Variants in SNX29 observed in about 807,000 individuals in gnomAD.
SNX29 encodes sorting nexin-29.
A neutral mutation model predicts 102.1 loss-of-function variants in SNX29; 78 were observed. The observed-to-expected ratio is 0.76, with a 90% CI of 0.64 to 0.92. The LOEUF (loss-of-function observed/expected upper bound fraction) is 0.92. SNX29 is among the 40% of genes least tolerant of loss of function. The pLI is 0.00. For missense variants in SNX29, 1,280 were observed against 1,061.7 expected (o/e 1.21, Z -2.86); for synonymous variants, 580 against 414.5 (o/e 1.40, Z -4.85).
chr16:12,197,601 G>A lies in SNX29; in HGVS notation c.1596-2000G>A, dbSNP rs146569538. Among the ~76,000 whole-genome samples the A allele has an allele frequency of 5.8e-4, 88 of 152,230 alleles. 1 individual carries two copies. The South Asian group carries it at 0.013, about 23-fold the overall frequency. The stretch of plus-strand genomic sequence containing the variant: ...CAAAAGAAACAAAAAAACACATGCT[G>A]TACAATCCCCATCAGGGAAGATTTT... On this transcript the variant is annotated intron_variant, in intron 13 of 20. Transcript: ENST00000566228.
chr16:12,411,236 C>A (rs560562841), intron 18 of SNX29, among the ~76,000 whole-genome samples: 2 of 152,290 alleles, frequency 1.3e-5, no homozygotes, highest in Non-Finnish European at 2.9e-5. Flanking sequence ...GAGAGCCGGC[C>A]GTGGACTGAG....
At position 12,285,507 on chromosome 16, in the gene SNX29, C is replaced by T. The variant is rs570515960; in HGVS notation, c.1782+7471C>T. Among the ~76,000 whole-genome samples the T allele has an allele frequency of 3.9e-5, 6 of 152,214 alleles. No homozygotes were observed. The South Asian group carries it at 6.2e-4, about 16-fold the overall frequency. On this transcript the variant is annotated intron_variant, in intron 15 of 20. Transcript: ENST00000566228. The stretch of plus-strand genomic sequence containing the variant: ...TTTGTTCTCATTATAATGGCAGAGT[C>T]GCTATTAATGGAAAAGTAAGCTTGA...
chr16:12,085,098 C>G (rs1259804023), intron 11 of SNX29, among the ~76,000 whole-genome samples: 1 of 151,932 alleles, frequency 6.6e-6, no homozygotes, highest in Non-Finnish European at 1.5e-5. Context: ...AAAGAAATCC[C>G]CAGGGCAGTG....
chr16:12,532,868 C>T (rs16959835), intron 20 of SNX29, among the ~76,000 whole-genome samples: 9,123 of 152,220 alleles, frequency 0.06, 341 homozygotes, highest in African/African-American at 0.099. Flanking sequence ...CCTTCCCCTG[C>T]GTGAGAGAGC....
At chr16:12,019,587 TATATATAG>T (rs1361393948) in intron 3 of SNX29, among the ~76,000 whole-genome samples, 116 of 79,326 alleles carry the variant, frequency 1.5e-3, no homozygotes, top group African/African-American at 3.1e-3. Context: ...TGTAAATATA[TATATATAG>T]ATAGATAGAT....
At chr16:12,005,441 C>T (rs543196681) in intron 3 of SNX29, among the ~76,000 whole-genome samples, 1 of 152,236 alleles carries the variant, frequency 6.6e-6, no homozygotes, top group South Asian at 2.1e-4. Flanking sequence ...ACAGGACTCC[C>T]AGGTGATTCT....
chr16:12,035,213 T>G (rs192508689), intron 4 of SNX29, among the ~76,000 whole-genome samples: 1 of 151,576 alleles, frequency 6.6e-6, no homozygotes, highest in African/African-American at 2.4e-5. Context: ...CCTTTTTTTT[T>G]TTTTTTTTTT....
At chr16:12,258,940 C>T (rs2078653949) in intron 14 of SNX29, among the ~76,000 whole-genome samples, 1 of 152,140 alleles carries the variant, frequency 6.6e-6, no homozygotes, top group African/African-American at 2.4e-5. Flanking sequence ...CATTCTCTCT[C>T]ACTATGATAG....
rs571993979 is a variant in SNX29 at position 12,358,194 on chromosome 16, C to G, written c.1899+1915C>G. 1.9e-4 allele frequency among the ~76,000 whole-genome samples: 22 copies of G among 116,354 alleles called. 1 individual carries two copies. The South Asian group carries it at 5.1e-3, about 27-fold the overall frequency. The allele number at this position is 116,354 out of a possible 152,430, so 76.3% of individuals were successfully genotyped here. The stretch of plus-strand genomic sequence containing the variant: ...TAAAGTAAAAGCACCTATTTATTAA[C>G]CCCCTGTTTGTGTGCAAAAGTTCCT... On this transcript the variant is annotated intron_variant, in intron 16 of 20. Coordinates refer to ENST00000566228, the MANE Select transcript of SNX29 (RefSeq NM_032167.5).
chr16:12,478,246 A>C (rs1391689056), intron 19 of SNX29, among the ~76,000 whole-genome samples: 3 of 152,236 alleles, frequency 2.0e-5, no homozygotes, highest in Non-Finnish European at 4.4e-5. Context: ...ATAGCATTTT[A>C]TTTTTAAGAA....
At chr16:12,473,633 T>C (rs2087460310) in intron 18 of SNX29, among the ~76,000 whole-genome samples, 1 of 152,198 alleles carries the variant, frequency 6.6e-6, no homozygotes, top group Non-Finnish European at 1.5e-5. Context: ...GGTTAGGCAT[T>C]CTAAGTCATA....
intron 16 of SNX29, among the ~76,000 whole-genome samples, chr16:12,365,367 T>TC (rs2082433744): frequency 6.6e-6 from 1 of 151,376 alleles, no homozygotes; most frequent in African/African-American, 2.4e-5. Context: ...TGTGTGTGTT[T>TC]AGCATACTCA....
At chr16:12,533,082 C>T (rs980355080) in intron 20 of SNX29, among the ~76,000 whole-genome samples, 9 of 152,206 alleles carry the variant, frequency 5.9e-5, no homozygotes, top group African/African-American at 1.9e-4. Context: ...CCACAGCCCA[C>T]ATCACACCTC....
At chr16:12,068,831 G>T (rs1452892846) in intron 9 of SNX29, among the ~76,000 whole-genome samples, 1 of 152,160 alleles carries the variant, frequency 6.6e-6, no homozygotes, top group Non-Finnish European at 1.5e-5. Flanking sequence ...CGCCATGCCC[G>T]GCCAAGTATA....
At chr16:12,549,060 G>A (rs2077793703) in intron 20 of SNX29, among the ~76,000 whole-genome samples, 1 of 152,198 alleles carries the variant, frequency 6.6e-6, no homozygotes, top group Non-Finnish European at 1.5e-5. Flanking sequence ...CTTGCAGCTG[G>A]GCAGGCATCA....
rs372651887 is a variant in SNX29 at position 12,490,105 on chromosome 16, C to CTTT, written c.2178+12250_2178+12252dup. Among the ~76,000 whole-genome samples, 788 of 152,260 alleles carry CTTT rather than the reference C, an allele frequency of 5.2e-3. 3 individuals are homozygous for CTTT. The highest frequency in any genetic ancestry group is 0.018 in the African/African-American group (749 of 41,540). ...ACAGGCGTGAGCCACAACGCCAGGG[C>CTTT]TTTTTTGGCTGTTTTTTAAGTTGAG... On this transcript the variant is annotated intron_variant, in intron 19 of 20. Transcript: ENST00000566228.
intron 11 of SNX29, among the ~76,000 whole-genome samples, chr16:12,118,067 A>C (rs2053809071): frequency 6.6e-6 from 1 of 152,076 alleles, no homozygotes; most frequent in South Asian, 2.1e-4. Flanking sequence ...ACTGTACTTC[A>C]GCCTGGGCGA....
In SNX29 at chr16:12,412,465, C is replaced by T. The variant is rs1196042440; in HGVS notation, c.2037+8936C>T. The stretch of plus-strand genomic sequence containing the variant: ...ACCCATCACTCATTGTCACAGCTGC[C>T]GTGGGCAGCTGATACTGGTGACAAG... On this transcript the variant is annotated intron_variant, in intron 18 of 20. Coordinates refer to ENST00000566228, the MANE Select transcript of SNX29 (RefSeq NM_032167.5). 4.6e-5 allele frequency among the ~76,000 whole-genome samples: 7 copies of T among 152,256 alleles called. No individual in the cohort carries two copies. In the East Asian group the frequency reaches 7.7e-4, roughly 17 times the overall value.
At chr16:12,195,581 G>A (rs960872287) in intron 13 of SNX29, among the ~76,000 whole-genome samples, 2 of 152,214 alleles carry the variant, frequency 1.3e-5, no homozygotes, top group Admixed American at 6.5e-5. Flanking sequence ...GGAGGATCCT[G>A]TTCACATCTG....
Sources: gnomAD v4.1 joint callset for allele counts (sites outside exome capture counted in the v4.1 genomes callset) on GRCh38, gnomAD v4.1.1 for gene constraint, MANE v1.5 for transcripts, NCBI Gene and HGNC (gene_info 2026-07-23, HGNC 2026-07-21) for gene names.